GRHL2: variants seen among roughly 807,000 people sequenced by gnomAD.
GRHL2 encodes grainyhead-like protein 2 homolog.
Under a neutral mutation model 83.8 loss-of-function variants are expected in GRHL2, and 21 were observed. The ratio of observed to expected loss-of-function variants is 0.25; its 90% CI spans 0.18 to 0.36. GRHL2 has a LOEUF of 0.36. Ranked by LOEUF, GRHL2 falls within the 10% of genes least tolerant of loss-of-function variation. The pLI, the probability that GRHL2 is intolerant of heterozygous loss-of-function variation, is 1.00. For synonymous variants in GRHL2, 280 were observed against 278.9 expected (o/e 1.00, Z -0.04); for missense variants, 623 against 781.8 (o/e 0.80, Z 2.42).
chr8:101,524,807 AT>A (rs1810769976), intron 1 of GRHL2, among the ~76,000 whole-genome samples: 1 of 152,106 alleles, frequency 6.6e-6, no homozygotes, highest in South Asian at 2.1e-4. Context: ...TAAAAAAAAA[AT>A]CCAGTTTGAA....
At chr8:101,546,410 T>A (rs2130132867) in intron 2 of GRHL2, among the ~76,000 whole-genome samples, 1 of 144,374 alleles carries the variant, frequency 6.9e-6, no homozygotes, top group African/African-American at 2.9e-5. Context: ...ACATAATTAG[T>A]AATTTTTTTT....
intron 1 of GRHL2, among the ~76,000 whole-genome samples, chr8:101,500,124 A>T (rs1273032976): frequency 1.3e-5 from 2 of 152,116 alleles, no homozygotes; most frequent in Non-Finnish European, 2.9e-5. Flanking sequence ...AAACAAACAA[A>T]AAACAACAAC....
chr8:101,514,475 A>G (rs1810529030), intron 1 of GRHL2, among the ~76,000 whole-genome samples: 1 of 152,186 alleles, frequency 6.6e-6, no homozygotes, highest in Non-Finnish European at 1.5e-5. Context: ...CAAGGGCTGG[A>G]GAGGTACCCA....
chr8:101,639,474 T>C (rs1813354658), intron 12 of GRHL2, among the ~76,000 whole-genome samples: 1 of 152,178 alleles, frequency 6.6e-6, no homozygotes, highest in Non-Finnish European at 1.5e-5. Flanking sequence ...CTTCAAGAGA[T>C]TAGGAGACTT....
chr8:101,578,289 CAG>C (rs371545912), intron 7 of GRHL2, among the ~76,000 whole-genome samples: 1 of 152,196 alleles, frequency 6.6e-6, no homozygotes, highest in African/African-American at 2.4e-5. Flanking sequence ...GCTGGGACCA[CAG>C]AGAGAGCTGT....
intron 4 of GRHL2, among the ~76,000 whole-genome samples, chr8:101,563,929 C>T (rs1811660727): frequency 1.3e-5 from 2 of 152,086 alleles, no homozygotes; most frequent in African/African-American, 2.4e-5. Flanking sequence ...TAGAAATATT[C>T]CATTAGTCAC....
chr8:101,620,281 A>G (rs182326888), intron 9 of GRHL2, among the ~76,000 whole-genome samples: 110 of 152,300 alleles, frequency 7.2e-4, no homozygotes, highest in Non-Finnish European at 1.3e-3. Context: ...TGGGAGTCCA[A>G]CATATGAATT....
At chr8:101,652,577 G>A (rs1357494224) in intron 14 of GRHL2, among the ~76,000 whole-genome samples, 17 of 106,854 alleles carry the variant, frequency 1.6e-4, no homozygotes, top group Non-Finnish European at 2.6e-4. Flanking sequence ...TGTGTGTGGT[G>A]TGTGTGGTGT....
At position 101,612,556 on chromosome 8, in the gene GRHL2, G is replaced by C. The variant is rs997401836; in HGVS notation, c.1099-6983G>C. Among the ~76,000 whole-genome samples, 370 of 98,876 alleles carry C rather than the reference G, an allele frequency of 3.7e-3. 9 individuals are homozygous for C. Among genetic ancestry groups the C allele is most frequent in the Non-Finnish European group, 4.1e-3 (177 of 42,656 alleles). 64.9% of individuals were successfully genotyped at this position (98,876 alleles called of 152,430 possible). On this transcript the variant is annotated intron_variant, in intron 8 of 15. Coordinates refer to ENST00000646743, the MANE Select transcript of GRHL2 (RefSeq NM_024915.4). ...ACATACATACATACATACATACATA[G>C]ATATTGATGAAGATATTCATGCTGA...
chr8:101,640,271 A>T (rs1416310451), intron 12 of GRHL2, among the ~76,000 whole-genome samples: 2 of 152,224 alleles, frequency 1.3e-5, no homozygotes, highest in Non-Finnish European at 2.9e-5. Context: ...GCGTTATTAT[A>T]AGCATTAATG....
Position 101,543,450 on chromosome 8 carries a change from C to T in GRHL2, c.216+14C>T. The stretch of plus-strand genomic sequence containing the variant: ...GACTACTACAAGGTAGGTCCCCAGC[C>T]TCCACTTTTCTCTTCTTCCTGCTCC... On this transcript the variant is annotated intron_variant, in intron 2 of 15. Coordinates refer to ENST00000646743, the MANE Select transcript of GRHL2 (RefSeq NM_024915.4). 6.2e-7 allele frequency: 1 copy of T among 1,611,662 alleles called. No individual in the cohort carries two copies. The highest frequency in any genetic ancestry group is 8.5e-7 in the Non-Finnish European group (1 of 1,177,808).
chr8:101,665,463 C>T (rs1409129409), intron 15 of GRHL2, among the ~76,000 whole-genome samples: 2 of 152,202 alleles, frequency 1.3e-5, no homozygotes, highest in African/African-American at 4.8e-5. Flanking sequence ...ATTGGAGGAT[C>T]TGACAGGAAA....
At chr8:101,669,762 G>A (rs1405570712), downstream of GRHL2, 1 of 152,130 alleles carries the variant, frequency 6.6e-6, no homozygotes, top group Admixed American at 6.5e-5. Flanking sequence ...AGCCAGTGTT[G>A]GGGATTTTTA....
At chr8:101,640,678 C>T (rs931156330) in intron 12 of GRHL2, among the ~76,000 whole-genome samples, 2 of 152,150 alleles carry the variant, frequency 1.3e-5, no homozygotes, top group African/African-American at 2.4e-5. Context: ...CTGAGGTCCT[C>T]TTTTTCCAGC....
intron 9 of GRHL2, among the ~76,000 whole-genome samples, chr8:101,621,905 C>A (rs987047763): frequency 7.9e-5 from 12 of 151,834 alleles, no homozygotes; most frequent in Middle Eastern, 3.2e-3. Context: ...ATCCAATATA[C>A]ATATAATAGG....
chr8:101,548,901 T>A (rs775130462), intron 2 of GRHL2, among the ~76,000 whole-genome samples: 1 of 152,216 alleles, frequency 6.6e-6, no homozygotes, highest in Non-Finnish European at 1.5e-5. Context: ...GTCGCTAACA[T>A]GTTTCAGTGT....
chr8:101,579,911 G>C (rs1317811579), intron 7 of GRHL2, among the ~76,000 whole-genome samples: 1 of 152,102 alleles, frequency 6.6e-6, no homozygotes, highest in Non-Finnish European at 1.5e-5. Flanking sequence ...AGAGTGCGTG[G>C]GCCGTACATT....
chr8:101,645,110 T>A (rs1813482929), intron 13 of GRHL2, among the ~76,000 whole-genome samples: 1 of 144,324 alleles, frequency 6.9e-6, no homozygotes, highest in Non-Finnish European at 1.5e-5. Flanking sequence ...CTGCCAGCAG[T>A]ACAGAATTTT....
In GRHL2 at chr8:101,594,099, G is replaced by A. The variant is rs111458408; in HGVS notation, c.1004-4958G>A. 4.0e-3 allele frequency among the ~76,000 whole-genome samples: 359 copies of A among 90,110 alleles called. 16 individuals carry two copies. Among genetic ancestry groups the A allele is most frequent in the African/African-American group, 0.016 (303 of 18,834 alleles). The allele number at this position is 90,110 out of a possible 152,430, so 59.1% of individuals were successfully genotyped here. A position where few individuals can be genotyped will look rare whatever the true frequency, so the allele number is the denominator to read the frequency against. ...AAAAAAAAAAAAAAAAAAAAAAAAA[G>A]AGAGAGATAGTGAAGGGGGAACAGA... On this transcript the variant is annotated intron_variant, in intron 7 of 15. Coordinates refer to ENST00000646743, the MANE Select transcript of GRHL2 (RefSeq NM_024915.4).
Sources: allele counts gnomAD v4.1 joint callset (sites outside exome capture counted in the v4.1 genomes callset), GRCh38; gene constraint gnomAD v4.1.1; transcripts MANE v1.5; gene names NCBI Gene and HGNC (gene_info 2026-07-23, HGNC 2026-07-21).